The following PUDP variants were observed in gnomAD, a reference collection of about 807,000 sequenced individuals.
PUDP encodes pseudouridine 5'-phosphatase.
In PUDP, 8 loss-of-function variants were observed where a neutral mutation model predicts 9.4. That is an observed-to-expected ratio of 0.85 (90% CI 0.50 to 1.53). The LOEUF (loss-of-function observed/expected upper bound fraction) is 1.53, where lower values mean the gene tolerates loss of function less well. Among genes scored for constraint, PUDP ranks in the 40% most tolerant of loss-of-function variants. The pLI is 0.00. For missense variants in PUDP, 188 were observed against 189.7 expected, an observed-to-expected ratio of 0.99 and a Z score of 0.05; for synonymous variants, 99 against 80.7, an observed-to-expected ratio of 1.23 and a Z score of -1.22.
At chrX:6,961,556 A>G (rs779708311) in intron 3 of PUDP, among the ~76,000 whole-genome samples, 2 of 111,561 alleles carry the variant, frequency 1.8e-5, no homozygotes, top group African/African-American at 6.5e-5. Flanking sequence ...AAACCAGGTA[A>G]TAAGCAAATA....
chrX:6,722,917 G>A (rs1274158466), upstream of PUDP, among the ~76,000 whole-genome samples: 1 of 111,862 alleles, frequency 8.9e-6, no homozygotes, highest in Admixed American at 9.5e-5. Context: ...ATAGCACCAA[G>A]TGTTTTCAAG....
chrX:6,923,967 T>C (rs1410719621), intron 3 of PUDP, among the ~76,000 whole-genome samples: 2 of 110,934 alleles, frequency 1.8e-5, no homozygotes, highest in African/African-American at 6.6e-5. Context: ...ACCATGTCCA[T>C]GGAGCCTTCC....
At chrX:6,796,173 G>A (rs759503075) in intron 3 of PUDP, among the ~76,000 whole-genome samples, 48 of 112,200 alleles carry the variant, frequency 4.3e-4, no homozygotes, top group Non-Finnish European at 8.6e-4. Context: ...CACTGCACTA[G>A]TGTCTGTTTT....
chrX:7,132,512 A>G (rs1309840179), intron 1 of PUDP, among the ~76,000 whole-genome samples: 2 of 111,609 alleles, frequency 1.8e-5, no homozygotes, highest in African/African-American at 6.5e-5. Context: ...GTTTAACAAG[A>G]TGAGGGCTGA....
intron 3 of PUDP, among the ~76,000 whole-genome samples, chrX:6,949,525 T>C (rs1928517789): frequency 8.9e-6 from 1 of 111,996 alleles, no homozygotes; most frequent in South Asian, 3.8e-4. Context: ...ATTGTTCCTC[T>C]TGTACATCAG....
chrX:6,834,104 G>A (rs967201936), intron 3 of PUDP, among the ~76,000 whole-genome samples: 1 of 111,318 alleles, frequency 9.0e-6, no homozygotes, highest in Non-Finnish European at 1.9e-5. Flanking sequence ...GAGTTAGACC[G>A]TGAACAGATC....
intron 1 of PUDP, among the ~76,000 whole-genome samples, chrX:6,711,167 A>G (rs1924527996): frequency 9.0e-6 from 1 of 111,547 alleles, no homozygotes; most frequent in Non-Finnish European, 1.9e-5. Flanking sequence ...TTTTTATGTG[A>G]CATGGGAGCC....
In PUDP at chrX:7,077,205, C is replaced by T. The variant is rs758328200; in HGVS notation, c.510+15G>A. 8.5e-7 allele frequency: 1 copy of T among 1,176,539 alleles called. No homozygotes were observed. The highest frequency in any genetic ancestry group is 1.1e-6 in the Non-Finnish European group (1 of 878,369). On this transcript the variant is annotated intron_variant, in intron 3 of 3. Transcript: ENST00000381077. ...TGGTTGTGGAACACGGCCCGTGTCA[C>T]CGGCACCCACTTACCTTCTCCATAG... is the stretch of plus-strand genomic sequence containing the variant.
intron 3 of PUDP, among the ~76,000 whole-genome samples, chrX:6,876,797 A>G (rs747477743): frequency 1.5e-4 from 17 of 111,644 alleles, no homozygotes; most frequent in Admixed American, 2.9e-4. Context: ...ATATACATAT[A>G]GACACATGTG....
At chrX:7,104,538 A>C (rs1931825811) in intron 2 of PUDP, among the ~76,000 whole-genome samples, 1 of 112,008 alleles carries the variant, frequency 8.9e-6, no homozygotes, top group South Asian at 3.7e-4. Context: ...GTAAAATGGT[A>C]AATTTTAGTG....
intron 1 of PUDP, among the ~76,000 whole-genome samples, chrX:6,988,701 A>G (rs1023258886): frequency 1.8e-5 from 2 of 111,066 alleles, no homozygotes; most frequent in African/African-American, 3.3e-5. Context: ...CAGACCCCCA[A>G]TAAACTTGTT....
intron 3 of PUDP, among the ~76,000 whole-genome samples, chrX:6,927,280 TAC>T (rs1928120442): frequency 8.9e-6 from 1 of 111,799 alleles, no homozygotes; most frequent in Non-Finnish European, 1.9e-5. Context: ...AAGTTAAAAT[TAC>T]TATGCTATAG....
intron 1 of PUDP, among the ~76,000 whole-genome samples, chrX:6,714,802 T>C (rs936334559): frequency 9.0e-6 from 1 of 111,628 alleles, no homozygotes. Context: ...TGTTGACTCA[T>C]GTATTGCAAG....
chrX:6,758,195 C>T (rs1925190616), intron 3 of PUDP, among the ~76,000 whole-genome samples: 2 of 112,120 alleles, frequency 1.8e-5, no homozygotes, highest in African/African-American at 6.5e-5. Flanking sequence ...GGTGCAGTGG[C>T]TCATTCCTGT....
chrX:6,925,704 G>A (rs747273031), intron 3 of PUDP, among the ~76,000 whole-genome samples: 2 of 112,023 alleles, frequency 1.8e-5, no homozygotes, highest in African/African-American at 6.5e-5. Flanking sequence ...GGGAGGAGGT[G>A]TACATTGGTT....
chrX:6,947,309 G>A (rs930599966), intron 3 of PUDP, among the ~76,000 whole-genome samples: 1 of 110,931 alleles, frequency 9.0e-6, no homozygotes, highest in African/African-American at 3.3e-5. Flanking sequence ...CACTGCACCC[G>A]GCTGAAAGTT....
chrX:6,957,387 TAA>T (rs35109438), intron 3 of PUDP, among the ~76,000 whole-genome samples: 64 of 101,781 alleles, frequency 6.3e-4, no homozygotes, highest in Middle Eastern at 4.9e-3. Context: ...GGTTTCTTAT[TAA>T]AAAAAAAAAA....
At chrX:6,768,204 A>G (rs1271061055) in intron 3 of PUDP, among the ~76,000 whole-genome samples, 2 of 111,804 alleles carry the variant, frequency 1.8e-5, no homozygotes, top group Non-Finnish European at 3.8e-5. Context: ...TGGGGTTGTT[A>G]CAGTGAGGGG....
At chrX:7,008,374 T>A (rs1435939546) in intron 1 of PUDP, among the ~76,000 whole-genome samples, 1 of 111,068 alleles carries the variant, frequency 9.0e-6, no homozygotes, top group Non-Finnish European at 1.9e-5. Context: ...TGGCACAACT[T>A]AAATTTAGTT....
Sources: allele counts gnomAD v4.1 joint callset (sites outside exome capture counted in the v4.1 genomes callset), GRCh38; gene constraint gnomAD v4.1.1; transcripts MANE v1.5; gene names NCBI Gene and HGNC (gene_info 2026-07-23, HGNC 2026-07-21).